INPP4A: variants seen among roughly 807,000 people sequenced by gnomAD.
INPP4A encodes inositol polyphosphate-4-phosphatase, type I, 107kD.
INPP4A carries 33 observed loss-of-function variants against 119.8 expected under a neutral mutation model. The ratio of observed to expected loss-of-function variants is 0.28; its 90% CI spans 0.21 to 0.37. INPP4A has a LOEUF of 0.37. INPP4A is among the 10% of genes least tolerant of loss of function. The pLI is 1.00. For missense variants in INPP4A, 956 were observed against 1,289.9 expected (o/e 0.74, Z 3.97); for synonymous variants, 496 against 500.7 (o/e 0.99, Z 0.12).
intron 24 of INPP4A, among the ~76,000 whole-genome samples, chr2:98,583,827 AG>A (rs1242791687): frequency 6.6e-6 from 1 of 152,230 alleles, no homozygotes; most frequent in Non-Finnish European, 1.5e-5. Flanking sequence ...ATCAGCTCAG[AG>A]TCTGGGTCCT....
intron 23 of INPP4A, 128 bp downstream of exon 23, chr2:98,573,055 T>G: frequency 1.4e-6 from 1 of 697,100 alleles, no homozygotes. Context: ...AGGGAGTCAC[T>G]GAGTACGTTC....
rs1296520720 is a variant in INPP4A, at chr2:98,570,584, G to C, written c.2518+1916G>C. Among the ~76,000 whole-genome samples the C allele has an allele frequency of 6.6e-6, 1 of 152,162 alleles. No individual in the cohort carries two copies. Among genetic ancestry groups the C allele is most frequent in the Non-Finnish European group, 1.5e-5 (1 of 68,016 alleles). On this transcript the variant is annotated intron_variant, in intron 22 of 24. Coordinates refer to ENST00000409851, the MANE Select transcript of INPP4A (RefSeq NM_001134225.2). The surrounding 1 kb of genome is among the most constrained non-coding windows in gnomAD (Gnocchi z 4.3). ...AACTTGAGGGATGGGGCTGTGGGCA[G>C]GTGGGACACACCCTGGAGCTGCAGG...
At chr2:98,510,163 G>A (rs1244845386) in intron 1 of INPP4A, among the ~76,000 whole-genome samples, 1 of 152,192 alleles carries the variant, frequency 6.6e-6, no homozygotes, top group Non-Finnish European at 1.5e-5. Flanking sequence ...GGGTACTAAG[G>A]GAGTTGAAGT....
intron 1 of INPP4A, among the ~76,000 whole-genome samples, chr2:98,504,427 G>A (rs1396746615): frequency 6.6e-6 from 1 of 152,212 alleles, no homozygotes; most frequent in African/African-American, 2.4e-5. Context: ...TAAAGTTGCT[G>A]AATGTGTGAC....
At chr2:98,474,141 G>T (rs1220609673) in intron 1 of INPP4A, among the ~76,000 whole-genome samples, 1 of 152,170 alleles carries the variant, frequency 6.6e-6, no homozygotes, top group African/African-American at 2.4e-5. Context: ...TGCAGGTTGT[G>T]AAGTCACTTT....
At chr2:98,510,858 G>A (rs139115354) in intron 1 of INPP4A, among the ~76,000 whole-genome samples, 3 of 152,196 alleles carry the variant, frequency 2.0e-5, no homozygotes, top group Non-Finnish European at 4.4e-5. Context: ...AGGCATGTCA[G>A]TTAAGTAAAT....
At chr2:98,466,982 G>T (rs780647730) in intron 1 of INPP4A, among the ~76,000 whole-genome samples, 2 of 152,188 alleles carry the variant, frequency 1.3e-5, no homozygotes, top group Non-Finnish European at 2.9e-5. Context: ...AAAGAAAAGA[G>T]GTTTACTTGG....
chr2:98,513,126 G>C (rs1485639365), intron 1 of INPP4A, among the ~76,000 whole-genome samples: 2 of 152,154 alleles, frequency 1.3e-5, no homozygotes, highest in Admixed American at 1.3e-4. Flanking sequence ...TCTCCAAAGT[G>C]GGCAAATTAG....
At chr2:98,587,401 C>A in intron 24 of INPP4A, 75 bp from the exon 25 acceptor site, 1 of 1,360,118 alleles carries the variant, frequency 7.4e-7, no homozygotes, top group South Asian at 1.5e-5. Context: ...ATGATCAGTT[C>A]ATTTCATCTT....
chr2:98,533,581 T>G, intron 5 of INPP4A, 86 bp downstream of exon 5: 1 of 810,946 alleles, frequency 1.2e-6, no homozygotes, highest in East Asian at 2.5e-5. Flanking sequence ...CTTGTGCATC[T>G]GTAGCTGAAG....
At chr2:98,514,050 G>A (rs542573080) in intron 1 of INPP4A, among the ~76,000 whole-genome samples, 50 of 152,318 alleles carry the variant, frequency 3.3e-4, no homozygotes, top group African/African-American at 1.1e-3. Context: ...CCATGGAAAC[G>A]GAGGCTGGTC....
chr2:98,554,566 C>G lies in INPP4A; in HGVS notation c.1566+77C>G. 7.7e-7 allele frequency: 1 copy of G among 1,304,884 alleles called. No homozygotes were observed. Among genetic ancestry groups the G allele is most frequent in the South Asian group, 1.4e-5 (1 of 72,158 alleles). The allele number at this position is 1,304,884 out of a possible 1,614,324, so 80.8% of individuals were successfully genotyped here. On this transcript the variant is annotated intron_variant, in intron 15 of 24. Coordinates refer to ENST00000409851, the MANE Select transcript of INPP4A (RefSeq NM_001134225.2). This position sits in a 1 kb window ranked among gnomAD's most constrained non-coding sequence, Gnocchi z 4.7. ...CACAAAACCTGTTGCCAGTCTCTGC[C>G]CCTCTGAAGTGCCTCAAGGTTCAAC...
intron 5 of INPP4A, among the ~76,000 whole-genome samples, chr2:98,534,268 C>G (rs1423008997): frequency 1.3e-5 from 2 of 152,194 alleles, no homozygotes; most frequent in African/African-American, 4.8e-5. Flanking sequence ...CAGAGCCCAC[C>G]AGGGCACAGT....
intron 1 of INPP4A, among the ~76,000 whole-genome samples, chr2:98,501,484 C>T (rs1469537789): frequency 1.3e-5 from 2 of 152,166 alleles, no homozygotes; most frequent in African/African-American, 4.8e-5. Context: ...AAGTCCTGCC[C>T]CTTTCCAGCC....
At chr2:98,501,476 G>A (rs531996627) in intron 1 of INPP4A, among the ~76,000 whole-genome samples, 1 of 152,366 alleles carries the variant, frequency 6.6e-6, no homozygotes, top group African/African-American at 2.4e-5. Flanking sequence ...GGAAGTCAAA[G>A]TCCTGCCCCT....
rs1203019566 is a variant in INPP4A, at chr2:98,592,962, C to T, written c.*5354C>T. The stretch of plus-strand genomic sequence containing the variant: ...GCCAGGGGCCCCAGGGAGGCTTCTC[C>T]AGCCTGAGGCTGCACCCTCCATACG... On this transcript the variant is annotated 3_prime_UTR_variant, in exon 25 of 25. Transcript: ENST00000409851. The T allele has an allele frequency of 1.3e-5, 2 of 152,440 alleles. No homozygotes were observed. Among genetic ancestry groups the T allele is most frequent in the Non-Finnish European group, 2.9e-5 (2 of 68,206 alleles). The allele number at this position is 152,440 out of a possible 1,614,324, so 9.4% of individuals were successfully genotyped here.
chr2:98,568,557 T>G lies in INPP4A; in HGVS notation c.2421-14T>G, dbSNP rs780104715. On this transcript the variant is annotated splice_polypyrimidine_tract_variant and intron_variant, in intron 21 of 24. Transcript: ENST00000409851. ...ACATTAGCCAACTAATGGCATCCCC[T>G]ATAACCTCCCAAGGTTTGGCGATAC... 1 of 1,497,358 alleles carries G rather than the reference T, an allele frequency of 6.7e-7. No individual in the cohort carries two copies. Among genetic ancestry groups the G allele is most frequent in the South Asian group, 1.2e-5 (1 of 84,320 alleles). The allele number at this position is 1,497,358 out of a possible 1,614,324, so 92.8% of individuals were successfully genotyped here. A position where few individuals can be genotyped will look rare whatever the true frequency, so the allele number is the denominator to read the frequency against.
intron 1 of INPP4A, among the ~76,000 whole-genome samples, chr2:98,483,321 T>C (rs1678858685): frequency 6.6e-6 from 1 of 152,218 alleles, no homozygotes; most frequent in South Asian, 2.1e-4. Flanking sequence ...CTACTAGTTT[T>C]CGTGCTAGGA....
rs1559132688 is a variant in INPP4A, at chr2:98,587,604, C to T, written c.2915C>T (p.Thr972Met). The change falls in exon 25 of 25, where the codon ACG becomes ATG. Residue 972 changes from threonine (T) to methionine (M), a missense_variant. Thr to Met is a moderately conservative substitution (Grantham distance 81). This residue lies in a region of INPP4A where 304 missense variants were observed against 492.1 expected (regional missense o/e 0.62). Transcript: ENST00000409851. The stretch of plus-strand genomic sequence containing the variant: ...GAAGGGACTTACGGAAAAGTTGAAA[C>T]GTGAACACACGGTTTCCTCTAATTA... ...PPEGTYGKVE[T>M] 7 of 1,598,684 alleles carry T rather than the reference C, an allele frequency of 4.4e-6. No homozygotes were observed. Among genetic ancestry groups the T allele is most frequent in the Middle Eastern group, 1.7e-4 (1 of 6,056 alleles).
Sources: allele counts gnomAD v4.1 joint callset (sites outside exome capture counted in the v4.1 genomes callset), GRCh38; gene constraint gnomAD v4.1.1; regional missense constraint gnomAD v4.1.1; non-coding constraint Gnocchi (gnomAD v3.1); transcripts MANE v1.5; gene names NCBI Gene and HGNC (gene_info 2026-07-23, HGNC 2026-07-21).